CNTNAP5: variants seen among roughly 807,000 people sequenced by gnomAD.
CNTNAP5 encodes the protein contactin associated protein family member 5.
A neutral mutation model predicts 150.2 loss-of-function variants in CNTNAP5; 72 were observed. That is an observed-to-expected ratio of 0.48 (90% CI 0.40 to 0.58). CNTNAP5 has a LOEUF of 0.58. CNTNAP5 is among the 20% of genes least tolerant of loss of function. CNTNAP5 has a pLI of 0.00. For missense variants in CNTNAP5, 1,636 were observed against 1,626.2 expected, an observed-to-expected ratio of 1.01 and a Z score of -0.10; for synonymous variants, 672 against 619.8, an observed-to-expected ratio of 1.08 and a Z score of -1.25.
intron 13 of CNTNAP5, among the ~76,000 whole-genome samples, chr2:124,721,339 G>A (rs111799774): frequency 9.2e-5 from 14 of 152,098 alleles, no homozygotes; most frequent in South Asian, 2.1e-4. Context: ...CTAGCCAGGC[G>A]TGGTGGCACT....
chr2:124,301,968 G>T (rs1242700314), intron 3 of CNTNAP5, among the ~76,000 whole-genome samples: 5 of 152,154 alleles, frequency 3.3e-5, no homozygotes, highest in Admixed American at 2.0e-4. Flanking sequence ...ATTAAATGAG[G>T]TCATAAAGTG....
chr2:124,330,783 G>C (rs1689332253), intron 3 of CNTNAP5, among the ~76,000 whole-genome samples: 1 of 150,788 alleles, frequency 6.6e-6, no homozygotes, highest in African/African-American at 2.4e-5. Flanking sequence ...AAAAAAAAAT[G>C]CTTCAATTAT....
chr2:124,900,596 T>C (rs944361863), intron 21 of CNTNAP5, among the ~76,000 whole-genome samples: 2 of 151,510 alleles, frequency 1.3e-5, no homozygotes, highest in South Asian at 4.1e-4. Flanking sequence ...CCCCGACTTA[T>C]CAATGTGCCT....
At chr2:124,361,846 G>A (rs6727936) in intron 3 of CNTNAP5, among the ~76,000 whole-genome samples, 45,665 of 151,940 alleles carry the variant, frequency 0.3, 7,000 homozygotes, top group Middle Eastern at 0.37. Flanking sequence ...CCCAGTTCGA[G>A]CTTCCCAGCT....
chr2:124,599,946 T>C (rs528282277), intron 11 of CNTNAP5, among the ~76,000 whole-genome samples: 3 of 152,248 alleles, frequency 2.0e-5, no homozygotes, highest in East Asian at 3.9e-4. Flanking sequence ...TAACTTGAGA[T>C]TTAGAACCAT....
chr2:124,446,686 G>C, intron 5 of CNTNAP5, 67 bp from the exon 6 acceptor site: 1 of 1,483,524 alleles, frequency 6.7e-7, no homozygotes, highest in Non-Finnish European at 9.2e-7. Context: ...TTTGCTTGTG[G>C]AGCATTCTGG....
At chr2:124,705,103 A>G (rs1203044278) in intron 13 of CNTNAP5, among the ~76,000 whole-genome samples, 1 of 151,096 alleles carries the variant, frequency 6.6e-6, no homozygotes, top group Non-Finnish European at 1.5e-5. Flanking sequence ...AGTTAAATGT[A>G]TACATATAGT....
chr2:124,195,859 G>C (rs879731499), intron 1 of CNTNAP5, among the ~76,000 whole-genome samples: 1 of 152,020 alleles, frequency 6.6e-6, no homozygotes, highest in Non-Finnish European at 1.5e-5. Context: ...CTATGGTTTC[G>C]GATGAGGAGC....
intron 13 of CNTNAP5, among the ~76,000 whole-genome samples, chr2:124,678,302 G>A (rs1400521339): frequency 6.6e-6 from 1 of 151,850 alleles, no homozygotes; most frequent in East Asian, 1.9e-4. Context: ...TTGTCAGCAT[G>A]TAGCTGGCTA....
At chr2:124,213,845 G>C (rs1686083733) in intron 1 of CNTNAP5, among the ~76,000 whole-genome samples, 1 of 152,140 alleles carries the variant, frequency 6.6e-6, no homozygotes, top group Non-Finnish European at 1.5e-5. Context: ...TCAATTTAGG[G>C]AAGGGTATTT....
rs939163911 is a variant in CNTNAP5, at chr2:124,362,315, C to T, written c.382-55128C>T. Among the ~76,000 whole-genome samples, 24 of 152,304 alleles carry T rather than the reference C, an allele frequency of 1.6e-4. 1 individual carries two copies. Among genetic ancestry groups the T allele is most frequent in the South Asian group, 6.2e-4 (3 of 4,828 alleles). On this transcript the variant is annotated intron_variant, in intron 3 of 23. Transcript: ENST00000682447. ...GCTGTAGACCGGAGCTATTCCTATT[C>T]GACCATCTTGGCTCCTCCCAGAATC...
At chr2:124,836,856 C>G (rs1432144870) in intron 19 of CNTNAP5, among the ~76,000 whole-genome samples, 1 of 152,128 alleles carries the variant, frequency 6.6e-6, no homozygotes, top group African/African-American at 2.4e-5. Flanking sequence ...TGTATTGCAG[C>G]TTCCCCCAGG....
At chr2:124,423,962 C>A (rs1363736565) in intron 4 of CNTNAP5, among the ~76,000 whole-genome samples, 1 of 152,188 alleles carries the variant, frequency 6.6e-6, no homozygotes, top group Non-Finnish European at 1.5e-5. Flanking sequence ...CCGCGCCCGG[C>A]CCGGCTAATT....
At chr2:124,733,134 T>A (rs755364243) in intron 13 of CNTNAP5, among the ~76,000 whole-genome samples, 1 of 151,618 alleles carries the variant, frequency 6.6e-6, no homozygotes, top group Non-Finnish European at 1.5e-5. Context: ...AATACCTCCA[T>A]GTGTATATTC....
At chr2:124,440,087 G>A (rs1227355865) in intron 5 of CNTNAP5, among the ~76,000 whole-genome samples, 1 of 152,124 alleles carries the variant, frequency 6.6e-6, no homozygotes, top group Non-Finnish European at 1.5e-5. Context: ...TGAGTCCTTA[G>A]GTAAATCTTG....
intron 1 of CNTNAP5, among the ~76,000 whole-genome samples, chr2:124,028,912 G>A (rs1221986229): frequency 2.2e-4 from 33 of 152,112 alleles, no homozygotes. Flanking sequence ...TAAATATTAA[G>A]TATGGTAAGA....
chr2:124,301,965 G>A (rs1210973691), intron 3 of CNTNAP5, among the ~76,000 whole-genome samples: 2 of 152,168 alleles, frequency 1.3e-5, no homozygotes, highest in East Asian at 1.9e-4. Context: ...AAGATTAAAT[G>A]AGGTCATAAA....
chr2:124,650,680 G>A (rs775653660), intron 13 of CNTNAP5, among the ~76,000 whole-genome samples: 17 of 152,204 alleles, frequency 1.1e-4, no homozygotes, highest in African/African-American at 1.7e-4. Flanking sequence ...AGAGATTCCC[G>A]ACCCTGTGAT....
intron 1 of CNTNAP5, among the ~76,000 whole-genome samples, chr2:124,079,693 G>A (rs1181269405): frequency 6.6e-6 from 1 of 152,144 alleles, no homozygotes; most frequent in Non-Finnish European, 1.5e-5. Flanking sequence ...TTATTCATGT[G>A]TATGTGCGTG....
Sources: gnomAD v4.1 joint callset for allele counts (sites outside exome capture counted in the v4.1 genomes callset) on GRCh38, gnomAD v4.1.1 for gene constraint, MANE v1.5 for transcripts, NCBI Gene and HGNC (gene_info 2026-07-23, HGNC 2026-07-21) for gene names.